ZNF385D: variants seen among roughly 807,000 people sequenced by gnomAD.
ZNF385D encodes the protein zinc finger protein 385D.
A neutral mutation model predicts 35.8 loss-of-function variants in ZNF385D; 15 were observed. The ratio of observed to expected loss-of-function variants is 0.42; its 90% confidence interval spans 0.28 to 0.64. ZNF385D has a LOEUF of 0.64. ZNF385D is among the 30% of genes least tolerant of loss of function. ZNF385D has a pLI of 0.23. For synonymous variants in ZNF385D, 212 were observed against 186.8 expected (o/e 1.13, Z -1.10); for missense variants, 474 against 494.6 (o/e 0.96, Z 0.39).
chr3:21,925,675 T>C (rs1700690707), intron 3 of ZNF385D, among the ~76,000 whole-genome samples: 1 of 152,140 alleles, frequency 6.6e-6, no homozygotes, highest in Non-Finnish European at 1.5e-5. Flanking sequence ...CCTGTAAAGA[T>C]GTTGAGTGGA....
chr3:21,780,036 A>C (rs1328575683), intron 3 of ZNF385D, among the ~76,000 whole-genome samples: 1 of 151,988 alleles, frequency 6.6e-6, no homozygotes. Flanking sequence ...GTGTTACATG[A>C]AAGTGACTTT....
At chr3:21,482,808 C>T (rs149319539) in intron 4 of ZNF385D, among the ~76,000 whole-genome samples, 65 of 152,054 alleles carry the variant, frequency 4.3e-4, no homozygotes, top group South Asian at 4.2e-4. Context: ...GTTTTCATTG[C>T]GGTGGTGGTG....
At chr3:21,825,532 C>T (rs796925308) in intron 3 of ZNF385D, among the ~76,000 whole-genome samples, 5 of 151,404 alleles carry the variant, frequency 3.3e-5, no homozygotes, top group Admixed American at 1.3e-4. Context: ...CAGTGGCTTA[C>T]AAGCCTTGTG....
intron 3 of ZNF385D, among the ~76,000 whole-genome samples, chr3:21,774,879 G>T (rs1183165132): frequency 1.3e-5 from 2 of 151,860 alleles, no homozygotes; most frequent in African/African-American, 4.8e-5. Context: ...ATGACATGAG[G>T]CAGTCAAACT....
intron 5 of ZNF385D, among the ~76,000 whole-genome samples, chr3:21,433,414 G>A (rs1379250130): frequency 6.6e-6 from 1 of 152,136 alleles, no homozygotes; most frequent in African/African-American, 2.4e-5. Flanking sequence ...GGATGCAAGG[G>A]AAACATTTCC....
intron 3 of ZNF385D, among the ~76,000 whole-genome samples, chr3:22,103,683 C>T (rs369187091): frequency 1.4e-4 from 19 of 135,124 alleles, no homozygotes; most frequent in African/African-American, 4.5e-4. Context: ...CTTGTGGACA[C>T]GTTAGTACTG....
At chr3:22,106,253 G>T (rs1242819519) in intron 3 of ZNF385D, among the ~76,000 whole-genome samples, 6 of 152,104 alleles carry the variant, frequency 3.9e-5, no homozygotes, top group African/African-American at 1.4e-4. Context: ...GTTTTTCCCA[G>T]TAACAAACCT....
chr3:21,773,907 T>C (rs1428763810), intron 3 of ZNF385D, among the ~76,000 whole-genome samples: 1 of 151,980 alleles, frequency 6.6e-6, no homozygotes, highest in Admixed American at 6.6e-5. Flanking sequence ...GACCCAGCAA[T>C]CACATTACTG....
Position 21,985,610 on chromosome 3 carries a change from G to A in ZNF385D, c.325+183207C>T, listed in dbSNP as rs371802953. On this transcript the variant is annotated intron_variant, in intron 3 of 5. Transcript: ENST00000494108. ...ATTTTTGCATCAATGTTCATCAAGG[G>A]TATTGGTCTAAAATTCTCTTTTTTG... Among the ~76,000 whole-genome samples, 27 of 141,618 alleles carry A rather than the reference G, an allele frequency of 1.9e-4. 1 individual carries two copies. Among genetic ancestry groups the A allele is most frequent in the Admixed American group, 2.8e-4 (4 of 14,508 alleles). The allele number at this position is 141,618 out of a possible 152,430, so 92.9% of individuals were successfully genotyped here. A position where few individuals can be genotyped will look rare whatever the true frequency, so the allele number is the denominator to read the frequency against.
intron 2 of ZNF385D, among the ~76,000 whole-genome samples, chr3:22,236,897 G>A (rs1212647915): frequency 1.3e-5 from 2 of 152,116 alleles, no homozygotes; most frequent in African/African-American, 2.4e-5. Flanking sequence ...ATATTCTATT[G>A]CATGAATATA....
At chr3:21,690,601 A>G (rs2067250456) in intron 1 of ZNF385D, among the ~76,000 whole-genome samples, 1 of 152,116 alleles carries the variant, frequency 6.6e-6, no homozygotes, top group South Asian at 2.1e-4. Flanking sequence ...CTCTTTCTTT[A>G]TCTTCCACTG....
chr3:21,817,042 C>T (rs1244239280), intron 3 of ZNF385D, among the ~76,000 whole-genome samples: 3 of 152,110 alleles, frequency 2.0e-5, no homozygotes, highest in Admixed American at 6.5e-5. Flanking sequence ...CATGTATAAC[C>T]ATCTGATCTT....
intron 2 of ZNF385D, among the ~76,000 whole-genome samples, chr3:22,356,227 C>A (rs545199715): frequency 6.6e-6 from 1 of 152,072 alleles, no homozygotes; most frequent in Non-Finnish European, 1.5e-5. Flanking sequence ...CATAGGTACT[C>A]TGTTTTGCCT....
chr3:21,437,711 A>AAAAACAAAC (rs1553632281), intron 4 of ZNF385D, among the ~76,000 whole-genome samples: 2 of 148,760 alleles, frequency 1.3e-5, no homozygotes, highest in African/African-American at 2.4e-5. Context: ...CAAAAAAAAA[A>AAAAACAAAC]AAAAAAAACC....
chr3:22,104,763 T>C (rs923617590), intron 3 of ZNF385D, among the ~76,000 whole-genome samples: 1 of 152,142 alleles, frequency 6.6e-6, no homozygotes, highest in Non-Finnish European at 1.5e-5. Flanking sequence ...TTGTACCACC[T>C]AGTAAATATG....
intron 3 of ZNF385D, among the ~76,000 whole-genome samples, chr3:22,000,263 CCA>C (rs1004490957): frequency 2.0e-4 from 31 of 151,558 alleles, no homozygotes; most frequent in African/African-American, 7.0e-4. Flanking sequence ...GGAGATCATG[CCA>C]CGGCACTCCA....
rs115103296 is a variant in ZNF385D, at chr3:22,009,135, A to T, written c.325+159682T>A. Among the ~76,000 whole-genome samples, 1,163 of 152,248 alleles carry T rather than the reference A, an allele frequency of 7.6e-3. 4 individuals are homozygous for T. Among genetic ancestry groups the T allele is most frequent in the Non-Finnish European group, 0.012 (833 of 68,032 alleles). On this transcript the variant is annotated intron_variant, in intron 3 of 5. Transcript: ENST00000494108. ...TAATATCTAATTTATTTAAAAACAC[A>T]CATATCCTCAAACCTAGCAATATCC...
intron 3 of ZNF385D, among the ~76,000 whole-genome samples, chr3:22,108,033 C>T (rs537171224): frequency 6.6e-6 from 1 of 151,484 alleles, no homozygotes; most frequent in Non-Finnish European, 1.5e-5. Context: ...GCAGAAAGAA[C>T]GCCCTTACTA....
intron 3 of ZNF385D, among the ~76,000 whole-genome samples, chr3:21,907,844 G>A (rs551458145): frequency 6.6e-5 from 10 of 152,200 alleles, no homozygotes; most frequent in African/African-American, 1.9e-4. Flanking sequence ...TGAGATCAGA[G>A]TTCTTACAGG....
Sources: gnomAD v4.1 joint callset for allele counts (sites outside exome capture counted in the v4.1 genomes callset) on GRCh38, gnomAD v4.1.1 for gene constraint, MANE v1.5 for transcripts, NCBI Gene and HGNC (gene_info 2026-07-23, HGNC 2026-07-21) for gene names.